LMX1B: variants seen among roughly 807,000 people sequenced by gnomAD.
LMX1B encodes LIM homeobox transcription factor 1-beta.
A neutral mutation model predicts 51.4 loss-of-function variants in LMX1B; 12 were observed. That is an observed-to-expected ratio of 0.23 (90% CI 0.15 to 0.38). The LOEUF (loss-of-function observed/expected upper bound fraction) is 0.38, where lower values mean the gene tolerates loss of function less well. Among genes scored for constraint, LMX1B ranks in the 10% least tolerant of loss-of-function variants. LMX1B has a pLI of 1.00. For missense variants in LMX1B, 445 were observed against 571.1 expected, an observed-to-expected ratio of 0.78 and a Z score of 2.25; for synonymous variants, 237 against 235.4, an observed-to-expected ratio of 1.01 and a Z score of -0.06.
chr9:126,623,590 C>T (rs1434210214), intron 2 of LMX1B, among the ~76,000 whole-genome samples: 1 of 152,186 alleles, frequency 6.6e-6, no homozygotes, highest in Non-Finnish European at 1.5e-5. Flanking sequence ...CCCCCCCAGG[C>T]GGGTCCAACT....
At chr9:126,693,363 G>T (rs373761001) in intron 4 of LMX1B, 40 bp downstream of exon 4, 9 of 1,570,744 alleles carry the variant, frequency 5.7e-6, no homozygotes, top group African/African-American at 1.4e-5. Context: ...GCTGATGCCC[G>T]CACACCCACT....
intron 2 of LMX1B, among the ~76,000 whole-genome samples, chr9:126,669,984 T>C (rs201694488): frequency 6.6e-6 from 1 of 152,052 alleles, no homozygotes; most frequent in East Asian, 1.9e-4. Context: ...GGCTCCTGGG[T>C]GGAGGATTGG....
rs191057153 is a variant in LMX1B at position 126,650,631 on chromosome 9, C to T, written c.326+35062C>T. Reference sequence around the variant, plus strand: ...CCCCAGGCAGGCCTGGTGGCCCCCTCGCTCCTGGCCTCTCGGCACTGCCCA... The same window carrying T: ...CCCCAGGCAGGCCTGGTGGCCCCCTTGCTCCTGGCCTCTCGGCACTGCCCA... On this transcript the variant is annotated intron_variant, in intron 2 of 7. Coordinates refer to ENST00000373474, the MANE Select transcript of LMX1B (RefSeq NM_001174147.2). Among the ~76,000 whole-genome samples the T allele has an allele frequency of 2.3e-3, 343 of 152,312 alleles. 2 individuals are homozygous for T. Among genetic ancestry groups the T allele is most frequent in the African/African-American group, 7.8e-3 (323 of 41,576 alleles).
intron 2 of LMX1B, among the ~76,000 whole-genome samples, chr9:126,648,895 G>T (rs573863178): frequency 6.6e-6 from 1 of 152,280 alleles, no homozygotes; most frequent in African/African-American, 2.4e-5. Flanking sequence ...ACTCCCAGAG[G>T]CAGAGCTCCA....
At chr9:126,664,972 G>A (rs1448213960) in intron 2 of LMX1B, among the ~76,000 whole-genome samples, 1 of 152,226 alleles carries the variant, frequency 6.6e-6, no homozygotes. Context: ...ACGAAGTTGG[G>A]ATGAAGGTAT....
chr9:126,689,987 G>A (rs2030063286), intron 2 of LMX1B, among the ~76,000 whole-genome samples: 1 of 152,170 alleles, frequency 6.6e-6, no homozygotes, highest in African/African-American at 2.4e-5. Flanking sequence ...GTTCGTGATG[G>A]AGATGCGTAA....
Position 126,673,801 on chromosome 9 carries a change from G to T in LMX1B, c.327-17035G>T, listed in dbSNP as rs563310809. 5.3e-5 allele frequency among the ~76,000 whole-genome samples: 8 copies of T among 152,246 alleles called. No individual in the cohort carries two copies. The East Asian group carries it at 1.5e-3, about 29-fold the overall frequency. ...GTGGTGGGAGGGGCCGGGGTGGAGGGCGCATCCCCACGGGGAGATTGGATG... is the reference window on the plus strand; with the variant it reads ...GTGGTGGGAGGGGCCGGGGTGGAGGTCGCATCCCCACGGGGAGATTGGATG... On this transcript the variant is annotated intron_variant, in intron 2 of 7. Transcript: ENST00000373474. This position sits in a 1 kb window ranked among gnomAD's most constrained non-coding sequence, Gnocchi z 4.4.
At chr9:126,656,258 A>G (rs1836113389) in intron 2 of LMX1B, among the ~76,000 whole-genome samples, 1 of 152,206 alleles carries the variant, frequency 6.6e-6, no homozygotes, top group South Asian at 2.1e-4. Context: ...AATATTAAAC[A>G]AGATCTTCAG....
In LMX1B at chr9:126,673,117, T is replaced by C. The variant is rs1836489911; in HGVS notation, c.327-17719T>C. Among the ~76,000 whole-genome samples the C allele has an allele frequency of 6.6e-6, 1 of 152,182 alleles. No individual in the cohort carries two copies. On this transcript the variant is annotated intron_variant, in intron 2 of 7. Coordinates refer to ENST00000373474, the MANE Select transcript of LMX1B (RefSeq NM_001174147.2). This position sits in a 1 kb window ranked among gnomAD's most constrained non-coding sequence, Gnocchi z 4.4. ...AGGCTCAGTTTTCTCATCTGAGAAA[T>C]GGGAAGACTCATTCTCCTTGCCTTC... is the stretch of plus-strand genomic sequence containing the variant.
At position 126,641,324 on chromosome 9, in the gene LMX1B, T is replaced by G. The variant is rs1475316426; in HGVS notation, c.326+25755T>G. 1 of 152,258 alleles carries G rather than the reference T, an allele frequency of 6.6e-6. No individual in the cohort carries two copies. The highest frequency in any genetic ancestry group is 1.5e-5 in the Non-Finnish European group (1 of 68,050). The allele number at this position is 152,258 out of a possible 1,614,324, so 9.4% of individuals were successfully genotyped here. ...TCTGTGTGCTGAGCACTGTACTAAG[T>G]GCCTTGCAACCATCATCTCTCTGCA... On this transcript the variant is annotated intron_variant, in intron 2 of 7. Transcript: ENST00000373474. This position sits in a 1 kb window ranked among gnomAD's most constrained non-coding sequence, Gnocchi z 4.1.
rs1281629230 is a variant in LMX1B at position 126,698,649 on chromosome 9, G to A, written c.*2198G>A. ...CTCACAACCCTACCTTTAACTCTGA[G>A]GTCAAGCCCTAGGCCACCACCCTAA... On this transcript the variant is annotated 3_prime_UTR_variant, in exon 8 of 8. Transcript: ENST00000373474. The A allele has an allele frequency of 6.6e-6, 1 of 152,382 alleles. No homozygotes were observed. Among genetic ancestry groups the A allele is most frequent in the Admixed American group, 6.5e-5 (1 of 15,274 alleles). 9.4% of individuals were successfully genotyped at this position (152,382 alleles called of 1,614,324 possible). A position where few individuals can be genotyped will look rare whatever the true frequency, so the allele number is the denominator to read the frequency against.
rs1223240118 is a variant in LMX1B at position 126,618,925 on chromosome 9, C to T, written c.326+3356C>T. The stretch of plus-strand genomic sequence containing the variant: ...GCGGGCGCCTTTGTGCACGGCGAGA[C>T]GCGGGGTTCCGGCCCGGGCCGCGCT... On this transcript the variant is annotated intron_variant, in intron 2 of 7. Coordinates refer to ENST00000373474, the MANE Select transcript of LMX1B (RefSeq NM_001174147.2). The surrounding 1 kb of genome is among the most constrained non-coding windows in gnomAD (Gnocchi z 4.5). Among the ~76,000 whole-genome samples the T allele has an allele frequency of 6.6e-6, 1 of 151,758 alleles. No individual in the cohort carries two copies. Among genetic ancestry groups the T allele is most frequent in the Non-Finnish European group, 1.5e-5 (1 of 67,898 alleles).
chr9:126,631,055 G>C (rs546505245), intron 2 of LMX1B, among the ~76,000 whole-genome samples: 1 of 152,344 alleles, frequency 6.6e-6, no homozygotes, highest in South Asian at 2.1e-4. Flanking sequence ...TAGTCGGCAG[G>C]CCTGGAGCCA....
At chr9:126,655,757 A>G (rs1452541217) in intron 2 of LMX1B, among the ~76,000 whole-genome samples, 8 of 152,218 alleles carry the variant, frequency 5.3e-5, no homozygotes, top group Non-Finnish European at 1.2e-4. Context: ...ACATAACATA[A>G]AATTCACCAT....
chr9:126,637,443 C>T (rs1221833196), intron 2 of LMX1B, among the ~76,000 whole-genome samples: 3 of 149,674 alleles, frequency 2.0e-5, no homozygotes, highest in African/African-American at 7.5e-5. Flanking sequence ...TGCACTGGTG[C>T]AGTCAGGCAT....
chr9:126,653,761 C>T (rs575251957), intron 2 of LMX1B, among the ~76,000 whole-genome samples: 5 of 152,258 alleles, frequency 3.3e-5, no homozygotes, highest in Admixed American at 2.0e-4. Context: ...CCTTCATCCC[C>T]AGCCCCCTGG....
chr9:126,646,349 TACCTACCCATCCACCC>T (rs1835900721), intron 2 of LMX1B, among the ~76,000 whole-genome samples: 1 of 151,824 alleles, frequency 6.6e-6, no homozygotes, highest in African/African-American at 2.4e-5. Flanking sequence ...TCCATCCATC[TACCTACCCATCCACCC>T]ATCTATCCGC....
chr9:126,645,775 C>T (rs1162786241), intron 2 of LMX1B, among the ~76,000 whole-genome samples: 1 of 152,056 alleles, frequency 6.6e-6, no homozygotes, highest in Non-Finnish European at 1.5e-5. Flanking sequence ...TCATGGATTC[C>T]ATGTTTAAGA....
intron 2 of LMX1B, among the ~76,000 whole-genome samples, chr9:126,681,579 C>CG (rs1162041938): frequency 1.3e-5 from 2 of 152,066 alleles, no homozygotes; most frequent in Non-Finnish European, 2.9e-5. Context: ...CGGTGCCCCC[C>CG]CTACAGGTGC....
Sources: gnomAD v4.1 joint callset for allele counts (sites outside exome capture counted in the v4.1 genomes callset) on GRCh38, gnomAD v4.1.1 for gene constraint, Gnocchi (gnomAD v3.1) non-coding constraint, MANE v1.5 for transcripts, NCBI Gene and HGNC (gene_info 2026-07-23, HGNC 2026-07-21) for gene names.